BRWD1: variants seen among roughly 807,000 people sequenced by gnomAD.
BRWD1 encodes the protein bromodomain and WD repeat domain containing 1.
In BRWD1, 82 loss-of-function variants were observed where a neutral mutation model predicts 251.2. The observed-to-expected ratio is 0.33, with a 90% CI of 0.27 to 0.39. The LOEUF (loss-of-function observed/expected upper bound fraction) is 0.39, where lower values mean the gene tolerates loss of function less well. Among genes scored for constraint, BRWD1 ranks in the 10% least tolerant of loss-of-function variants. The pLI is 1.00. For synonymous variants in BRWD1, 918 were observed against 902.8 expected, an observed-to-expected ratio of 1.02 and a Z score of -0.30; for missense variants, 2,233 against 2,711.6, an observed-to-expected ratio of 0.82 and a Z score of 3.92.
At chr21:39,223,008 T>A (rs900798171) in intron 29 of BRWD1, among the ~76,000 whole-genome samples, 1 of 152,028 alleles carries the variant, frequency 6.6e-6, no homozygotes, top group Non-Finnish European at 1.5e-5. Flanking sequence ...GGAAATTCTA[T>A]AAAATAACTG....
At chr21:39,305,871 A>AG (rs1414689165) in intron 4 of BRWD1, among the ~76,000 whole-genome samples, 1 of 148,886 alleles carries the variant, frequency 6.7e-6, no homozygotes, top group Non-Finnish European at 1.5e-5. Context: ...AAAAAGAAAA[A>AG]AAAAAAAAAA....
chr21:39,255,744 A>T lies in BRWD1; in HGVS notation c.2156T>A (p.Met719Lys), dbSNP rs1392580586. Reference sequence around the variant, plus strand: ...CTGACTGCGTGGAGCGTTTTGATGCATCTGACGAACACCTTCAACTTGTCC... The same window carrying T: ...CTGACTGCGTGGAGCGTTTTGATGCTTCTGACGAACACCTTCAACTTGTCC... ...RSGQVEGVRQ[M>K]HQNAPRSQIA... The change falls in exon 19 of 41, where the codon ATG (methionine) becomes AAG (lysine). Residue 719 changes from methionine (M) to lysine (K), a missense_variant. By Grantham distance (95) the Met-to-Lys change is moderately conservative. Transcript: ENST00000342449. 6.2e-7 allele frequency: 1 copy of T among 1,614,202 alleles called. No homozygotes were observed.
chr21:39,293,738 A>G, intron 8 of BRWD1, 73 bp downstream of exon 8: 2 of 1,189,392 alleles, frequency 1.7e-6, no homozygotes, highest in East Asian at 2.5e-5. Flanking sequence ...CTATTTCTCA[A>G]TTCCAAAGAA....
rs75046572 is a variant in BRWD1, at chr21:39,210,897, C to A, written c.3933G>T (p.Thr1311=). Reference sequence around the variant, plus strand: ...TCTTCCAGTTGCTTTCAACATAGTTCGTAGCTCTGATGCTTTTTTTCCCAT... The same window carrying A: ...TCTTCCAGTTGCTTTCAACATAGTTAGTAGCTCTGATGCTTTTTTTCCCAT... ...VHDGKKSIRA[T]NYVESNWKKQ... The change falls in exon 35 of 41, where the codon ACG becomes ACT. Residue 1311 remains threonine, a synonymous_variant. Transcript: ENST00000342449. The A allele has an allele frequency of 2.5e-6, 4 of 1,610,848 alleles. No homozygotes were observed. The South Asian group carries it at 3.3e-5, about 13-fold the overall frequency.
intron 11 of BRWD1, 32 bp from the exon 12 acceptor site, chr21:39,276,245 G>T: frequency 1.3e-6 from 2 of 1,563,532 alleles, no homozygotes; most frequent in East Asian, 2.3e-5. Context: ...ATACAAAAAT[G>T]ATCATCTACA....
Position 39,312,949 on chromosome 21 carries a change from GGGGCGGGGGGCGGGGGGCCGGGGGC to G in BRWD1, c.139-74_139-50del, listed in dbSNP as rs756109941. On this transcript the variant is annotated intron_variant, in intron 3 of 40. Coordinates refer to ENST00000342449, the MANE Select transcript of BRWD1 (RefSeq NM_033656.4). ...GAGTGACCACCCCTCCGGCGCGGGGGGGGCGGGGGGCGGGGGGCCGGGGGCGGGCGGCGGGCGGCGGGCGGGGGGC... is the reference window on the plus strand; with the variant it reads ...GAGTGACCACCCCTCCGGCGCGGGGGGGGCGGCGGGCGGCGGGCGGGGGGC... 11 of 278,924 alleles carry G rather than the reference GGGGCGGGGGGCGGGGGGCCGGGGGC, an allele frequency of 3.9e-5. No individual in the cohort carries two copies. In the Admixed American group the frequency reaches 4.0e-4, roughly 10 times the overall value. 17.3% of individuals were successfully genotyped at this position (278,924 alleles called of 1,614,324 possible). A position where few individuals can be genotyped will look rare whatever the true frequency, so the allele number is the denominator to read the frequency against.
At position 39,189,958 on chromosome 21, in the gene BRWD1, A is replaced by C; in HGVS notation, c.*6301T>G. The C allele has an allele frequency of 2.0e-6, 2 of 985,374 alleles. No individual in the cohort carries two copies. Among genetic ancestry groups the C allele is most frequent in the Non-Finnish European group, 2.4e-6 (2 of 829,900 alleles). 61.0% of individuals were successfully genotyped at this position (985,374 alleles called of 1,614,324 possible). On this transcript the variant is annotated 3_prime_UTR_variant, in exon 41 of 41. Coordinates refer to ENST00000342449, the MANE Select transcript of BRWD1 (RefSeq NM_033656.4). Reference sequence around the variant, plus strand: ...TGAGTCTTGTTTCAGTCATGGGTTTACAAAGTCATTGAGTGCTTGAGGACT... The same window carrying C: ...TGAGTCTTGTTTCAGTCATGGGTTTCCAAAGTCATTGAGTGCTTGAGGACT...
At chr21:39,310,466 C>A (rs1568981877) in intron 4 of BRWD1, among the ~76,000 whole-genome samples, 1 of 152,030 alleles carries the variant, frequency 6.6e-6, no homozygotes, top group Non-Finnish European at 1.5e-5. Flanking sequence ...GGGTGAAACC[C>A]CATCTCTACT....
chr21:39,233,155 G>T (rs1262378995), intron 23 of BRWD1, among the ~76,000 whole-genome samples: 2 of 152,064 alleles, frequency 1.3e-5, no homozygotes, highest in African/African-American at 4.8e-5. Context: ...GCTAAGGAGA[G>T]ACCTGTGTGG....
In BRWD1 at chr21:39,238,518, C is replaced by G. The variant is rs369219508; in HGVS notation, c.2537G>C (p.Arg846Thr). 31 of 1,613,574 alleles carry G rather than the reference C, an allele frequency of 1.9e-5. No homozygotes were observed. The highest frequency in any genetic ancestry group is 2.6e-5 in the Non-Finnish European group (31 of 1,179,748). ...GTAACTCTCACTTTTTCTGTCACTTCTCCATTCATCCTCTTCTGAAGAACC... is the reference window on the plus strand; with the variant it reads ...GTAACTCTCACTTTTTCTGTCACTTGTCCATTCATCCTCTTCTGAAGAACC... ...GSGSSEEDEWRSDRKSESYSE... is the reference protein window; with the variant it reads ...GSGSSEEDEWTSDRKSESYSE... Residue 846 changes from arginine (R) to threonine (T), a missense_variant, in exon 22 of 41, where the codon AGA becomes ACA. Physicochemically the swap from Arg to Thr is moderately conservative, Grantham distance 71 (BLOSUM62 -1). Around this residue, in one of 12 missense-constraint regions of BRWD1, gnomAD observed 214 missense variants for 222.0 expected, o/e 0.96. Transcript: ENST00000342449.
rs772114842 is a variant in BRWD1, at chr21:39,293,830, C to G, written c.812G>C (p.Gly271Ala). The change falls in exon 8 of 41, where the codon GGA (glycine) becomes GCA (alanine). Residue 271 changes from glycine to alanine, a missense_variant. Gly to Ala is a moderately conservative substitution (Grantham distance 60). This residue lies in a region of BRWD1 where 185 missense variants were observed against 260.6 expected (regional missense o/e 0.71). Transcript: ENST00000342449. ...APVAVLQGHT[G>A]SITSLQFSPM... Reference sequence around the variant, plus strand: ...GTTTACCTGTAAAGATGTAATTGATCCTGTGTGTCCTTGGAGCACAGCAAC... The same window carrying G: ...GTTTACCTGTAAAGATGTAATTGATGCTGTGTGTCCTTGGAGCACAGCAAC... The G allele has an allele frequency of 3.1e-6, 5 of 1,613,962 alleles. No homozygotes were observed. Among genetic ancestry groups the G allele is most frequent in the Non-Finnish European group, 4.2e-6 (5 of 1,179,960 alleles).
intron 23 of BRWD1, chr21:39,235,917 C>T (rs11911822): frequency 0.61 from 111,117 of 182,448 alleles, 34,066 homozygotes; most frequent in Admixed American, 0.68. Flanking sequence ...CAGTTGTCTC[C>T]GGTCCTGCCA....
chr21:39,191,852 A>C lies in BRWD1; in HGVS notation c.*4407T>G. ...TTTAAGGGCTTTAATAAATGAAAAAACTTACCTTAAAACTGACATAACTAA... is the reference window on the plus strand; with the variant it reads ...TTTAAGGGCTTTAATAAATGAAAAACCTTACCTTAAAACTGACATAACTAA... On this transcript the variant is annotated 3_prime_UTR_variant, in exon 41 of 41. Coordinates refer to ENST00000342449, the MANE Select transcript of BRWD1 (RefSeq NM_033656.4). 1.0e-6 allele frequency: 1 copy of C among 984,926 alleles called. No individual in the cohort carries two copies. Among genetic ancestry groups the C allele is most frequent in the Non-Finnish European group, 1.2e-6 (1 of 829,544 alleles). 61.0% of individuals were successfully genotyped at this position (984,926 alleles called of 1,614,324 possible). A position where few individuals can be genotyped will look rare whatever the true frequency, so the allele number is the denominator to read the frequency against.
Position 39,195,296 on chromosome 21 carries a change from G to A in BRWD1, c.*963C>T. Reference sequence around the variant, plus strand: ...CTTAACAAAACTCACCTCTACAATTGGAATACAGATGGGGGAAACCTACAT... The same window carrying A: ...CTTAACAAAACTCACCTCTACAATTAGAATACAGATGGGGGAAACCTACAT... On this transcript the variant is annotated 3_prime_UTR_variant, in exon 41 of 41. Coordinates refer to ENST00000342449, the MANE Select transcript of BRWD1 (RefSeq NM_033656.4). 1.0e-6 allele frequency: 1 copy of A among 1,002,676 alleles called. No homozygotes were observed. Among genetic ancestry groups the A allele is most frequent in the Non-Finnish European group, 1.2e-6 (1 of 841,120 alleles). The allele number at this position is 1,002,676 out of a possible 1,614,324, so 62.1% of individuals were successfully genotyped here.
At chr21:39,213,913 A>AAT (rs914003470) in intron 32 of BRWD1, among the ~76,000 whole-genome samples, 39 of 150,154 alleles carry the variant, frequency 2.6e-4, no homozygotes, top group African/African-American at 6.6e-4. Flanking sequence ...AGGTAAAAAA[A>AAT]ATATATATAT....
intron 3 of BRWD1, 86 bp from the exon 4 acceptor site, chr21:39,312,986 G>GGGGGGCCGGGGGCGGGCT: frequency 3.0e-6 from 3 of 1,013,464 alleles, no homozygotes; most frequent in Non-Finnish European, 2.4e-6. Flanking sequence ...GGCGGCGGGC[G>GGGGGGCCGGGGGCGGGCT]GCGGGCGGGG....
chr21:39,302,619 T>C (rs1476909415), intron 4 of BRWD1, among the ~76,000 whole-genome samples: 1 of 151,840 alleles, frequency 6.6e-6, no homozygotes, highest in South Asian at 2.1e-4. Flanking sequence ...TAGCCAGGCA[T>C]GGTGGCACAT....
chr21:39,244,505 C>A lies in BRWD1; in HGVS notation c.2481+3196G>T, dbSNP rs1389629504. Among the ~76,000 whole-genome samples the A allele has an allele frequency of 3.3e-5, 5 of 152,140 alleles. No individual in the cohort carries two copies. The East Asian group carries it at 9.6e-4, about 29-fold the overall frequency. On this transcript the variant is annotated intron_variant, in intron 21 of 40. Coordinates refer to ENST00000342449, the MANE Select transcript of BRWD1 (RefSeq NM_033656.4). ...TGATGAAATTAGATAACGTGTAAAC[C>A]ATTTAGAATAGTGCCTCCCAGGCAT...
Position 39,192,953 on chromosome 21 carries a change from G to C in BRWD1, c.*3306C>G. ...TACAAAAAAAAAAGTCTAGAAGACA[G>C]AGGGAATGTAGTGTGCACCCCTTAT... On this transcript the variant is annotated 3_prime_UTR_variant, in exon 41 of 41. Transcript: ENST00000342449. 2.0e-6 allele frequency: 2 copies of C among 984,538 alleles called. No homozygotes were observed. The highest frequency in any genetic ancestry group is 2.4e-6 in the Non-Finnish European group (2 of 829,276). 61.0% of individuals were successfully genotyped at this position (984,538 alleles called of 1,614,324 possible). A position where few individuals can be genotyped will look rare whatever the true frequency, so the allele number is the denominator to read the frequency against.
Sources: allele counts gnomAD v4.1 joint callset (sites outside exome capture counted in the v4.1 genomes callset), GRCh38; gene constraint gnomAD v4.1.1; regional missense constraint gnomAD v4.1.1; transcripts MANE v1.5; gene names NCBI Gene and HGNC (gene_info 2026-07-23, HGNC 2026-07-21).